Variants in XRCC4 observed in about 807,000 individuals in gnomAD.
XRCC4 encodes X-ray repair cross complementing 4, also known as DNA repair protein XRCC4.
A neutral mutation model predicts 39.1 loss-of-function variants in XRCC4; 28 were observed. The ratio of observed to expected loss-of-function variants is 0.72; its 90% confidence interval spans 0.53 to 0.98. XRCC4 has a LOEUF of 0.98. Among genes scored for constraint, XRCC4 ranks in the 50% least tolerant of loss-of-function variants. The pLI, the probability that XRCC4 is intolerant of heterozygous loss-of-function variation, is 0.00. For missense variants in XRCC4, 350 were observed against 376.4 expected (o/e 0.93, Z 0.58); for synonymous variants, 123 against 126.4 (o/e 0.97, Z 0.18).
At chr5:83,160,816 A>G (rs1477093009) in intron 3 of XRCC4, among the ~76,000 whole-genome samples, 4 of 147,038 alleles carry the variant, frequency 2.7e-5, no homozygotes, top group Non-Finnish European at 4.5e-5. Flanking sequence ...CCACCCCGCC[A>G]CCCCCTTCTT....
the XRCC4 span, among the ~76,000 whole-genome samples, chr5:83,371,083 C>G: frequency 1.3e-5 from 2 of 152,142 alleles, no homozygotes; most frequent in Non-Finnish European, 2.9e-5. Flanking sequence ...ACTAATCCAC[C>G]TCAGCTCTTG....
chr5:83,369,710 C>T, the XRCC4 span, among the ~76,000 whole-genome samples: 1 of 152,150 alleles, frequency 6.6e-6, no homozygotes, highest in Non-Finnish European at 1.5e-5. Context: ...CTGTGATGAA[C>T]ATACAGGTGC....
chr5:83,122,673 G>T (rs1431789101), intron 3 of XRCC4, among the ~76,000 whole-genome samples: 3 of 151,948 alleles, frequency 2.0e-5, no homozygotes, highest in African/African-American at 7.2e-5. Flanking sequence ...TACAATTTAG[G>T]ATCTAAATTT....
intron 6 of XRCC4, among the ~76,000 whole-genome samples, chr5:83,207,672 T>C (rs914511615): frequency 6.6e-6 from 1 of 152,008 alleles, no homozygotes; most frequent in Non-Finnish European, 1.5e-5. Flanking sequence ...GAAAGAAAAT[T>C]GTAGATGTTA....
chr5:83,145,053 G>A (rs1376723214), intron 3 of XRCC4, among the ~76,000 whole-genome samples: 9 of 151,966 alleles, frequency 5.9e-5, no homozygotes, highest in East Asian at 1.9e-4. Flanking sequence ...CCGCCACCAC[G>A]CCTGGCTAAT....
At chr5:83,364,130 C>T in the XRCC4 span, among the ~76,000 whole-genome samples, 1 of 152,118 alleles carries the variant, frequency 6.6e-6, no homozygotes, top group Non-Finnish European at 1.5e-5. Flanking sequence ...GTGAACTAAC[C>T]TTTTATTCCC....
At chr5:83,307,935 A>G (rs1755545605) in intron 7 of XRCC4, among the ~76,000 whole-genome samples, 1 of 152,216 alleles carries the variant, frequency 6.6e-6, no homozygotes, top group South Asian at 2.1e-4. Context: ...ATTGAACTTT[A>G]TATTTTCAGT....
At chr5:83,117,631 A>ATGTGTG (rs70973379) in intron 3 of XRCC4, among the ~76,000 whole-genome samples, 33 of 145,992 alleles carry the variant, frequency 2.3e-4, no homozygotes, top group South Asian at 6.6e-4. Flanking sequence ...CTACATATAT[A>ATGTGTG]TGTGTGTGTG....
At chr5:83,175,117 A>T (rs1271995337) in intron 3 of XRCC4, among the ~76,000 whole-genome samples, 1 of 152,190 alleles carries the variant, frequency 6.6e-6, no homozygotes, top group East Asian at 1.9e-4. Flanking sequence ...ATATTAGTTT[A>T]GTCTTAGATT....
chr5:83,212,942 C>CCAAAAAAAAAAAAAAAAAAAAA (rs1751709048), intron 6 of XRCC4, among the ~76,000 whole-genome samples: 1 of 134,896 alleles, frequency 7.4e-6, no homozygotes, highest in Non-Finnish European at 1.6e-5. Flanking sequence ...AAAAAAAAAA[C>CCAAAAAAAAAAAAAAAAAAAAA]ACCAAAATAA....
intron 3 of XRCC4, among the ~76,000 whole-genome samples, chr5:83,117,749 T>A (rs772308716): frequency 1.2e-5 from 1 of 84,710 alleles, no homozygotes; most frequent in African/African-American, 3.8e-5. Flanking sequence ...AATTTAATTT[T>A]ATTTTAAGTT....
intron 3 of XRCC4, among the ~76,000 whole-genome samples, chr5:83,177,356 G>T (rs73132589): frequency 0.036 from 5,482 of 151,508 alleles, 297 homozygotes; most frequent in African/African-American, 0.12. Context: ...AACGGAAGGA[G>T]AATTGATTAC....
intron 6 of XRCC4, among the ~76,000 whole-genome samples, chr5:83,249,348 T>C (rs1753226133): frequency 6.6e-6 from 1 of 152,178 alleles, no homozygotes; most frequent in Admixed American, 6.5e-5. Flanking sequence ...GTTTTAAAGC[T>C]AGTTAGGACA....
rs1369019966 is a variant in XRCC4, at chr5:83,316,619, A to G, written c.894-36512A>G. Reference sequence around the variant, plus strand: ...AAGAGACAAAGAAGGCCATTACATAATGGTAAAGGGATCAATTCAACAAGA... The same window carrying G: ...AAGAGACAAAGAAGGCCATTACATAGTGGTAAAGGGATCAATTCAACAAGA... On this transcript the variant is annotated intron_variant, in intron 7 of 7. Transcript: ENST00000396027. 2.0e-3 allele frequency among the ~76,000 whole-genome samples: 284 copies of G among 145,592 alleles called. 1 individual carries two copies. The highest frequency in any genetic ancestry group is 6.8e-3 in the African/African-American group (267 of 39,256).
rs1038429118 is a variant in XRCC4 at position 83,145,770 on chromosome 5, C to T, written c.315+34567C>T. On this transcript the variant is annotated intron_variant, in intron 3 of 7. Coordinates refer to ENST00000396027, the MANE Select transcript of XRCC4 (RefSeq NM_003401.5). ...TCTGCATGGCTGATATTTGAGCCCT[C>T]ACTCAGGTTATGGGAATCTTATTCA... Among the ~76,000 whole-genome samples the T allele has an allele frequency of 2.6e-5, 4 of 152,098 alleles. No homozygotes were observed. The Middle Eastern group carries it at 0.01, about 393-fold the overall frequency.
chr5:83,096,589 G>T (rs1745690083), intron 1 of XRCC4, among the ~76,000 whole-genome samples: 1 of 152,046 alleles, frequency 6.6e-6, no homozygotes, highest in Non-Finnish European at 1.5e-5. Context: ...GCTCCACTTG[G>T]GTTTTACAGC....
At chr5:83,090,884 TTTATA>T (rs550508736) in intron 1 of XRCC4, among the ~76,000 whole-genome samples, 199 of 152,292 alleles carry the variant, frequency 1.3e-3, no homozygotes, top group African/African-American at 4.5e-3. Flanking sequence ...TTAAATTTTA[TTTATA>T]TTATATATTA....
intron 6 of XRCC4, among the ~76,000 whole-genome samples, chr5:83,209,368 C>T (rs959726382): frequency 2.0e-5 from 3 of 152,028 alleles, no homozygotes; most frequent in African/African-American, 7.2e-5. Flanking sequence ...TTTGCCCCAA[C>T]CATATCAGAT....
At chr5:83,193,277 A>G (rs2112692261) in intron 3 of XRCC4, among the ~76,000 whole-genome samples, 1 of 152,310 alleles carries the variant, frequency 6.6e-6, no homozygotes, top group Middle Eastern at 3.4e-3. Context: ...GAGAATTAAA[A>G]AAAAAAATTA....
Sources: gnomAD v4.1 joint callset for allele counts (sites outside exome capture counted in the v4.1 genomes callset) on GRCh38, gnomAD v4.1.1 for gene constraint, MANE v1.5 for transcripts, NCBI Gene and HGNC (gene_info 2026-07-23, HGNC 2026-07-21) for gene names.